DDX11: variants seen among roughly 807,000 people sequenced by gnomAD.
DDX11 encodes DEAD/H-box helicase 11.
In DDX11, 72 loss-of-function variants were observed where a neutral mutation model predicts 125.2. The observed-to-expected ratio is 0.58, with a 90% CI of 0.48 to 0.70. The LOEUF is 0.70. Ranked by LOEUF, DDX11 falls within the 30% of genes least tolerant of loss-of-function variation. The pLI is 0.00. For missense variants in DDX11, 883 were observed against 1,165.0 expected (o/e 0.76, Z 3.52); for synonymous variants, 347 against 452.6 (o/e 0.77, Z 2.96).
chr12:31,101,452 G>C lies in DDX11; in HGVS notation c.2052+322G>C, dbSNP rs374257522. On this transcript the variant is annotated intron_variant, in intron 20 of 26. Coordinates refer to ENST00000542838, the MANE Select transcript of DDX11 (RefSeq NM_030653.4). ...CTTTGGTTATATCTGCCCCTGCCGG[G>C]GGTAGGGATGTGGGGCTTGGGGGCA... 2.7e-3 allele frequency: 1,359 copies of C among 507,104 alleles called. 9 individuals are homozygous for C. Among genetic ancestry groups the C allele is most frequent in the Non-Finnish European group, 3.7e-3 (1,034 of 279,038 alleles). The allele number at this position is 507,104 out of a possible 1,614,324, so 31.4% of individuals were successfully genotyped here.
intron 15 of DDX11, 113 bp from the exon 16 acceptor site, chr12:31,096,524 T>G: frequency 6.3e-7 from 1 of 1,586,474 alleles, no homozygotes; most frequent in Admixed American, 1.8e-5. Context: ...CTTGCTGGGG[T>G]GGTGGGATGT....
At chr12:31,101,405 A>G (rs1291175135) in intron 20 of DDX11, 1 of 548,746 alleles carries the variant, frequency 1.8e-6, no homozygotes, top group Admixed American at 3.1e-5. Flanking sequence ...GAAAGCTGCT[A>G]GTTCCCTTTG....
chr12:31,079,883 T>G (rs1565844219), intron 2 of DDX11, among the ~76,000 whole-genome samples: 2 of 151,820 alleles, frequency 1.3e-5, no homozygotes, highest in East Asian at 3.9e-4. Flanking sequence ...CAGTGACCAA[T>G]TCCATTTTTA....
At chr12:31,099,886 GTCTT>G (rs1197376571) in intron 18 of DDX11, among the ~76,000 whole-genome samples, 2 of 152,040 alleles carry the variant, frequency 1.3e-5, no homozygotes, top group African/African-American at 2.4e-5. Flanking sequence ...TATCCTTTCA[GTCTT>G]TCTTTTTCCC....
intron 12 of DDX11, among the ~76,000 whole-genome samples, chr12:31,094,118 C>T (rs1372165744): frequency 6.6e-6 from 1 of 152,216 alleles, no homozygotes; most frequent in Non-Finnish European, 1.5e-5. Flanking sequence ...GACCCTGTCA[C>T]GTCCCCTTCT....
chr12:31,102,045 C>T (rs1946472699), intron 21 of DDX11, 63 bp downstream of exon 21: 12 of 1,589,912 alleles, frequency 7.5e-6, no homozygotes, highest in African/African-American at 2.7e-5. Flanking sequence ...CTCCTGGGAG[C>T]TCTCGTGCTC....
In DDX11 at chr12:31,103,724, T is replaced by C. The variant is rs767753289; in HGVS notation, c.2684T>C (p.Val895Ala). The change falls in exon 26 of 27, where the codon GTG (valine) becomes GCG (alanine). Residue 895 changes from valine (V) to alanine (A), a missense_variant. Around this residue, in one of 5 missense-constraint regions of DDX11, gnomAD observed 285 missense variants for 346.0 expected, o/e 0.82. Coordinates refer to ENST00000542838, the MANE Select transcript of DDX11 (RefSeq NM_030653.4). ...ACCTTTGGCCCCGCCATTGCTGCTG[T>C]GCAGAAGGTCAGTCCTACCTTTTTC... is the stretch of plus-strand genomic sequence containing the variant. ...KATFGPAIAA[V>A]QKFHREKSAS... is the part of the protein sequence containing the mutation. The C allele has an allele frequency of 6.2e-7, 1 of 1,613,808 alleles. No homozygotes were observed. The highest frequency in any genetic ancestry group is 8.5e-7 in the Non-Finnish European group (1 of 1,179,934).
At chr12:31,076,703 T>C (rs1443570158) in intron 1 of DDX11, among the ~76,000 whole-genome samples, 1 of 152,232 alleles carries the variant, frequency 6.6e-6, no homozygotes, top group Non-Finnish European at 1.5e-5. Context: ...CTCAAAAATT[T>C]GTTAGGTACC....
chr12:31,096,822 C>A, intron 16 of DDX11, 37 bp from the exon 17 acceptor site: 2 of 1,614,180 alleles, frequency 1.2e-6, no homozygotes, highest in Non-Finnish European at 1.7e-6. Flanking sequence ...GTGGACCTGA[C>A]CAGAGGGAGG....
intron 1 of DDX11, among the ~76,000 whole-genome samples, chr12:31,077,392 T>C (rs1351356004): frequency 6.6e-6 from 1 of 152,122 alleles, no homozygotes; most frequent in African/African-American, 2.4e-5. Context: ...GGGAAGCTGT[T>C]CCAGCCAGAG....
intron 14 of DDX11, 31 bp from the exon 15 acceptor site, chr12:31,096,310 T>A (rs9788048): frequency 0.27 from 332,267 of 1,223,756 alleles, 95,473 homozygotes; most frequent in East Asian, 0.81. Flanking sequence ...CAGTTTGCAC[T>A]CATGCCTACA....
chr12:31,093,200 C>T (rs527563338), intron 11 of DDX11, 45 bp from the exon 12 acceptor site: 47 of 1,572,718 alleles, frequency 3.0e-5, no homozygotes, highest in South Asian at 1.9e-4. Context: ...CGGGGCGAGT[C>T]GCCATCAGGG....
chr12:31,081,562 G>C (rs1351544955), intron 2 of DDX11, among the ~76,000 whole-genome samples: 1 of 151,458 alleles, frequency 6.6e-6, no homozygotes, highest in Non-Finnish European at 1.5e-5. Flanking sequence ...GGGGATCTAT[G>C]ATGCCCTCGA....
At chr12:31,101,221 T>G (rs1946320236) in intron 20 of DDX11, 91 bp downstream of exon 20, 1 of 1,141,124 alleles carries the variant, frequency 8.8e-7, no homozygotes, top group Admixed American at 1.8e-5. Context: ...CCCTGAGTGT[T>G]TTCAGTGTTG....
intron 20 of DDX11, 194 bp downstream of exon 20, chr12:31,101,324 C>A: frequency 1.6e-6 from 1 of 628,500 alleles, no homozygotes; most frequent in Non-Finnish European, 2.9e-6. Flanking sequence ...TTCCCCGCCC[C>A]TCACGCCTTA....
At chr12:31,100,169 A>G (rs907819745) in intron 18 of DDX11, among the ~76,000 whole-genome samples, 22 of 151,434 alleles carry the variant, frequency 1.5e-4, no homozygotes, top group Non-Finnish European at 3.1e-4. Flanking sequence ...AAAAGTATAA[A>G]TATGTTTAAT....
At chr12:31,078,722 G>A (rs949145940) in intron 2 of DDX11, among the ~76,000 whole-genome samples, 185 bp downstream of exon 2, 1 of 142,382 alleles carries the variant, frequency 7.0e-6, no homozygotes, top group Non-Finnish European at 1.5e-5. Context: ...GAGTCTCGCT[G>A]TGTCGCCCAG....
chr12:31,101,200 G>A lies in DDX11; in HGVS notation c.2052+70G>A, dbSNP rs184165998. 2.1e-4 allele frequency: 274 copies of A among 1,321,090 alleles called. 1 individual carries two copies. In the African/African-American group the frequency reaches 3.3e-3, roughly 16 times the overall value. 81.8% of individuals were successfully genotyped at this position (1,321,090 alleles called of 1,614,324 possible). ...GCAAAGGGTTTTCTGGGGCAGGGGCGCTCTGGCCCACCCTGAGTGTTTTCA... is the reference window on the plus strand; with the variant it reads ...GCAAAGGGTTTTCTGGGGCAGGGGCACTCTGGCCCACCCTGAGTGTTTTCA... On this transcript the variant is annotated intron_variant, in intron 20 of 26. Transcript: ENST00000542838.
chr12:31,088,563 G>A (rs924478327), intron 6 of DDX11, among the ~76,000 whole-genome samples: 2 of 149,348 alleles, frequency 1.3e-5, no homozygotes, highest in Non-Finnish European at 3.0e-5. Flanking sequence ...GTTTTCTGTC[G>A]GAAGTAGGTA....
Sources: gnomAD v4.1 joint callset for allele counts (sites outside exome capture counted in the v4.1 genomes callset) on GRCh38, gnomAD v4.1.1 for gene constraint, gnomAD v4.1.1 regional missense constraint, MANE v1.5 for transcripts, NCBI Gene and HGNC (gene_info 2026-07-23, HGNC 2026-07-21) for gene names.